Variants in SFMBT2 observed in about 807,000 individuals in gnomAD.
The protein encoded by SFMBT2 is scm-like with four MBT domains protein 2.
Under a neutral mutation model 110.1 loss-of-function variants are expected in SFMBT2, and 38 were observed. The observed-to-expected ratio is 0.35, with a 90% CI of 0.27 to 0.45. SFMBT2 has a LOEUF of 0.45. SFMBT2 is among the 20% of genes least tolerant of loss of function. SFMBT2 has a pLI of 1.00. For synonymous variants in SFMBT2, 425 were observed against 425.4 expected (o/e 1.00, Z 0.01); for missense variants, 1,011 against 1,094.9 (o/e 0.92, Z 1.08).
intron 2 of SFMBT2, among the ~76,000 whole-genome samples, chr10:7,372,259 T>C (rs1357945884): frequency 6.6e-6 from 1 of 152,184 alleles, no homozygotes; most frequent in Non-Finnish European, 1.5e-5. Context: ...AGTAAGTCTC[T>C]CTTAATACTT....
intron 5 of SFMBT2, chr10:7,284,730 A>G (rs1278853878): frequency 8.8e-6 from 2 of 227,006 alleles, no homozygotes; most frequent in Non-Finnish European, 1.5e-5. Context: ...TACTATGTAA[A>G]ATTATTTCTA....
chr10:7,174,390 C>T (rs1837982804), intron 17 of SFMBT2, among the ~76,000 whole-genome samples: 1 of 152,168 alleles, frequency 6.6e-6, no homozygotes, highest in Admixed American at 6.5e-5. Flanking sequence ...GGGAATGCAG[C>T]CAAAGGCCAG....
intron 14 of SFMBT2, among the ~76,000 whole-genome samples, chr10:7,199,439 C>G (rs1357593821): frequency 6.6e-6 from 1 of 152,128 alleles, no homozygotes; most frequent in East Asian, 1.9e-4. Context: ...ATTTAACAGT[C>G]TAGGAAGGCT....
chr10:7,314,419 G>A (rs1842932130), intron 4 of SFMBT2, among the ~76,000 whole-genome samples: 1 of 152,312 alleles, frequency 6.6e-6, no homozygotes, highest in Middle Eastern at 3.4e-3. Context: ...TGAACTGCTA[G>A]GCAGCTATGC....
chr10:7,193,128 T>G (rs975683887), intron 15 of SFMBT2, among the ~76,000 whole-genome samples: 7 of 152,286 alleles, frequency 4.6e-5, no homozygotes, highest in African/African-American at 1.7e-4. Context: ...AGCTCATCGA[T>G]TTCCTTTCTA....
chr10:7,334,365 C>T (rs927264051), intron 4 of SFMBT2, among the ~76,000 whole-genome samples: 8 of 152,170 alleles, frequency 5.3e-5, no homozygotes, highest in African/African-American at 1.2e-4. Context: ...TGCTGCCTTC[C>T]GTGTCTAAGA....
intron 7 of SFMBT2, among the ~76,000 whole-genome samples, chr10:7,269,694 A>G (rs1229511928): frequency 6.6e-6 from 1 of 150,990 alleles, no homozygotes; most frequent in Non-Finnish European, 1.5e-5. Flanking sequence ...ATAACAGAGA[A>G]AAAAAGCAAG....
At chr10:7,388,521 C>G (rs924533824) in intron 1 of SFMBT2, among the ~76,000 whole-genome samples, 2 of 139,320 alleles carry the variant, frequency 1.4e-5, no homozygotes, top group East Asian at 4.0e-4. Flanking sequence ...CCATACCCAG[C>G]TAATTTTTTT....
intron 2 of SFMBT2, among the ~76,000 whole-genome samples, chr10:7,380,131 G>A (rs1730039972): frequency 6.6e-6 from 1 of 152,158 alleles, no homozygotes; most frequent in South Asian, 2.1e-4. Context: ...AGCAAACATA[G>A]GAAAGACTTT....
chr10:7,251,153 T>TA (rs1468355512), intron 7 of SFMBT2, among the ~76,000 whole-genome samples: 3 of 134,238 alleles, frequency 2.2e-5, no homozygotes, highest in African/African-American at 2.7e-5. Context: ...TATGTACCAA[T>TA]AAAAAAAATT....
intron 1 of SFMBT2, among the ~76,000 whole-genome samples, chr10:7,384,091 A>G (rs1564469125): frequency 6.6e-6 from 1 of 151,652 alleles, no homozygotes; most frequent in Non-Finnish European, 1.5e-5. Flanking sequence ...CATGTCTGTA[A>G]TCCCAGCTAC....
chr10:7,175,870 T>C, intron 17 of SFMBT2, 120 bp downstream of exon 17: 3 of 900,940 alleles, frequency 3.3e-6, no homozygotes, highest in Non-Finnish European at 5.1e-6. Context: ...TAGCAATTCC[T>C]ATGGAAGACT....
Position 7,397,694 on chromosome 10 carries a change from T to C in SFMBT2, c.-52+13167A>G, listed in dbSNP as rs554679698. On this transcript the variant is annotated intron_variant, in intron 1 of 20. Coordinates refer to ENST00000397167, the MANE Select transcript of SFMBT2 (RefSeq NM_001387889.1). The stretch of plus-strand genomic sequence containing the variant: ...GTTTCCATGTTCCTAAGAAGCAGCA[T>C]ACAAGCAACAGCCCGGAATCGCAGC... Among the ~76,000 whole-genome samples the C allele has an allele frequency of 7.2e-5, 11 of 152,336 alleles. 1 individual carries two copies. The South Asian group carries it at 2.1e-3, about 29-fold the overall frequency.
chr10:7,288,728 C>T (rs150414508), intron 4 of SFMBT2, among the ~76,000 whole-genome samples: 47 of 152,152 alleles, frequency 3.1e-4, no homozygotes, highest in Non-Finnish European at 4.7e-4. Flanking sequence ...ACCAAGTTCA[C>T]GGAAAAAAAT....
At chr10:7,256,014 T>C (rs750388597) in intron 7 of SFMBT2, among the ~76,000 whole-genome samples, 3 of 152,182 alleles carry the variant, frequency 2.0e-5, no homozygotes, top group Non-Finnish European at 4.4e-5. Flanking sequence ...GGCTGTAATA[T>C]CAAGTGGACA....
chr10:7,181,072 C>A lies in SFMBT2; in HGVS notation c.1809-4907G>T, dbSNP rs142338432. ...TGGCCAACATGGTGAAACCCCATCTCTCCTAAAAATACAAAAAACAGCTGG... is the reference window on the plus strand; with the variant it reads ...TGGCCAACATGGTGAAACCCCATCTATCCTAAAAATACAAAAAACAGCTGG... On this transcript the variant is annotated intron_variant, in intron 16 of 20. Coordinates refer to ENST00000397167, the MANE Select transcript of SFMBT2 (RefSeq NM_001387889.1). Among the ~76,000 whole-genome samples the A allele has an allele frequency of 4.5e-3, 686 of 152,072 alleles. 20 individuals carry two copies. The highest frequency in any genetic ancestry group is 0.04 in the Admixed American group (604 of 15,284).
At chr10:7,299,472 A>G (rs978549842) in intron 4 of SFMBT2, among the ~76,000 whole-genome samples, 6 of 152,266 alleles carry the variant, frequency 3.9e-5, no homozygotes, top group Non-Finnish European at 7.3e-5. Flanking sequence ...GCCAACAAAG[A>G]TATTTAAAAA....
In SFMBT2 at chr10:7,206,041, T is replaced by C. The variant is rs576835078; in HGVS notation, c.1331-113A>G. On this transcript the variant is annotated intron_variant, in intron 11 of 20. Transcript: ENST00000397167. ...ATGGGGAAAAACATTCCTTTATACA[T>C]TAAAAAACAAAAACAAAAACAAAAT... The C allele has an allele frequency of 8.3e-5, 119 of 1,428,870 alleles. No homozygotes were observed. In the African/African-American group the frequency reaches 1.4e-3, roughly 17 times the overall value. 88.5% of individuals were successfully genotyped at this position (1,428,870 alleles called of 1,614,324 possible). A position where few individuals can be genotyped will look rare whatever the true frequency, so the allele number is the denominator to read the frequency against.
intron 20 of SFMBT2, among the ~76,000 whole-genome samples, chr10:7,164,826 T>G (rs1007620861): frequency 1.3e-5 from 2 of 151,584 alleles, no homozygotes; most frequent in Non-Finnish European, 2.9e-5. Flanking sequence ...GAGCGAGGTG[T>G]CGCTCGTACA....
Sources: allele counts gnomAD v4.1 joint callset (sites outside exome capture counted in the v4.1 genomes callset), GRCh38; gene constraint gnomAD v4.1.1; transcripts MANE v1.5; gene names NCBI Gene and HGNC (gene_info 2026-07-23, HGNC 2026-07-21).